CTNNA2: variants seen among roughly 807,000 people sequenced by gnomAD.
CTNNA2 encodes the protein catenin alpha 2.
CTNNA2 carries 42 observed loss-of-function variants against 101.0 expected under a neutral mutation model. That is an observed-to-expected ratio of 0.42 (90% confidence interval 0.32 to 0.54). CTNNA2 has a LOEUF of 0.54. Ranked by LOEUF, CTNNA2 falls within the 20% of genes least tolerant of loss-of-function variation. The pLI is 0.14. For missense variants in CTNNA2, 871 were observed against 1,223.1 expected (o/e 0.71, Z 4.29); for synonymous variants, 450 against 456.4 (o/e 0.99, Z 0.18).
At chr2:80,044,703 A>G (rs1489848212) in intron 7 of CTNNA2, among the ~76,000 whole-genome samples, 1 of 152,170 alleles carries the variant, frequency 6.6e-6, no homozygotes, top group African/African-American at 2.4e-5. Context: ...ACATTCTCTT[A>G]CTGCCCCATA....
chr2:79,967,625 C>A (rs2104558104), intron 7 of CTNNA2, among the ~76,000 whole-genome samples: 1 of 152,254 alleles, frequency 6.6e-6, no homozygotes, highest in African/African-American at 2.4e-5. Context: ...CTAATTTCTC[C>A]AACAAACAAT....
chr2:80,545,795 C>A, intron 10 of CTNNA2, 112 bp from the exon 11 acceptor site: 1 of 990,328 alleles, frequency 1.0e-6, no homozygotes, highest in East Asian at 2.6e-5. Context: ...CACCAAGAAC[C>A]CACTTATCTG....
At chr2:79,259,612 A>G (rs1674893929) in intron 2 of CTNNA2, among the ~76,000 whole-genome samples, 1 of 152,096 alleles carries the variant, frequency 6.6e-6, no homozygotes, top group African/African-American at 2.4e-5. Context: ...GGTACAGGAC[A>G]AGTTTGAGTT....
chr2:80,573,440 T>C (rs184679412), intron 12 of CTNNA2: 5 of 152,280 alleles, frequency 3.3e-5, no homozygotes, highest in Admixed American at 2.6e-4. Context: ...TTTGAGCCCA[T>C]TGGTCTTCTC....
intron 7 of CTNNA2, among the ~76,000 whole-genome samples, chr2:79,993,361 TC>T (rs890523136): frequency 1.3e-5 from 2 of 152,118 alleles, no homozygotes; most frequent in African/African-American, 4.8e-5. Flanking sequence ...TTTTTTGGGC[TC>T]CCACGTGGGC....
At chr2:79,635,230 G>A (rs891236572) in intron 1 of CTNNA2, among the ~76,000 whole-genome samples, 2 of 152,032 alleles carry the variant, frequency 1.3e-5, no homozygotes, top group Admixed American at 1.3e-4. Flanking sequence ...AGGAATTCGA[G>A]ACCATCCCGG....
At chr2:80,091,504 G>T (rs1008934124) in intron 7 of CTNNA2, among the ~76,000 whole-genome samples, 2 of 152,152 alleles carry the variant, frequency 1.3e-5, no homozygotes, top group Non-Finnish European at 2.9e-5. Context: ...AGAGAATTCT[G>T]ATGATAGCTG....
At position 79,224,513 on chromosome 2, in the gene CTNNA2, C is replaced by T. The variant is rs374141610; in HGVS notation, c.-406+26437C>T. ...ACCCATCTTAGTTTTTGATAAATTT[C>T]AATGTAAGTTGCAGACATATATACA... is the stretch of plus-strand genomic sequence containing the variant. On this transcript the variant is annotated intron_variant, in intron 2 of 21. Transcript: ENST00000466387. Among the ~76,000 whole-genome samples, 5 of 152,238 alleles carry T rather than the reference C, an allele frequency of 3.3e-5. No individual in the cohort carries two copies. The South Asian group carries it at 1.0e-3, about 32-fold the overall frequency.
chr2:80,176,598 G>T (rs569654443), intron 7 of CTNNA2, among the ~76,000 whole-genome samples: 1 of 152,206 alleles, frequency 6.6e-6, no homozygotes, highest in Admixed American at 6.5e-5. Flanking sequence ...ATTCCTGTAG[G>T]GTCTATGTCA....
At chr2:79,304,764 A>G (rs1284580975) in intron 2 of CTNNA2, among the ~76,000 whole-genome samples, 6 of 152,220 alleles carry the variant, frequency 3.9e-5, no homozygotes, top group African/African-American at 1.4e-4. Flanking sequence ...GTAACCAGAG[A>G]TAGACATTGT....
intron 7 of CTNNA2, among the ~76,000 whole-genome samples, chr2:80,010,736 A>G (rs1693720268): frequency 6.6e-6 from 1 of 151,800 alleles, no homozygotes; most frequent in African/African-American, 2.4e-5. Context: ...TTCCACAATC[A>G]CTTTTGCACC....
chr2:79,257,106 C>T (rs1388818733), intron 2 of CTNNA2, among the ~76,000 whole-genome samples: 2 of 152,216 alleles, frequency 1.3e-5, no homozygotes, highest in Non-Finnish European at 2.9e-5. Context: ...GCCGCTGATA[C>T]GTGGACGTTC....
At chr2:79,514,232 A>G (rs1671684949) in intron 1 of CTNNA2, among the ~76,000 whole-genome samples, 1 of 152,232 alleles carries the variant, frequency 6.6e-6, no homozygotes, top group Non-Finnish European at 1.5e-5. Context: ...ATCATGGGTT[A>G]ACTTCTCAAG....
chr2:79,540,797 A>G (rs181917879), intron 1 of CTNNA2, among the ~76,000 whole-genome samples: 10 of 152,194 alleles, frequency 6.6e-5, no homozygotes, highest in East Asian at 3.9e-4. Context: ...TTTGGACACC[A>G]TTTAACTCTT....
At chr2:80,485,815 A>G (rs1447400356) in intron 9 of CTNNA2, among the ~76,000 whole-genome samples, 20 of 152,240 alleles carry the variant, frequency 1.3e-4, no homozygotes, top group Admixed American at 1.0e-3. Context: ...AACATACATC[A>G]GCCAAGGTAC....
At chr2:79,916,524 CCCCTCCCCTCCCCT>C (rs1686217090) in intron 7 of CTNNA2, among the ~76,000 whole-genome samples, 3 of 2,874 alleles carry the variant, frequency 1.0e-3, no homozygotes, top group Non-Finnish European at 2.1e-3. Context: ...TCTTCCCCCT[CCCCTCCCCTCCCCT>C]CCCCTCCCCT....
chr2:80,287,572 C>G (rs569270032), intron 7 of CTNNA2, among the ~76,000 whole-genome samples: 6 of 152,280 alleles, frequency 3.9e-5, no homozygotes, highest in Non-Finnish European at 5.9e-5. Context: ...TTACTGAATA[C>G]TCACTATGTG....
At position 79,737,098 on chromosome 2, in the gene CTNNA2, AGCTCTTTGGG is replaced by A. The variant is rs1670935170; in HGVS notation, c.103-7288_103-7279del. Among the ~76,000 whole-genome samples, 10 of 152,318 alleles carry A rather than the reference AGCTCTTTGGG, an allele frequency of 6.6e-5. No homozygotes were observed. In the South Asian group the frequency reaches 1.9e-3, roughly 28 times the overall value. ...TGCGGTGGCTCATGCCAGTAATCCC[AGCTCTTTGGG>A]AGGCAGAGGCAGGCGGATCACCTGA... On this transcript the variant is annotated intron_variant, in intron 2 of 18. Coordinates refer to ENST00000402739, the MANE Select transcript of CTNNA2 (RefSeq NM_001282597.3).
intron 3 of CTNNA2, among the ~76,000 whole-genome samples, chr2:79,360,496 C>T (rs1677604118): frequency 6.6e-6 from 1 of 152,146 alleles, no homozygotes; most frequent in Non-Finnish European, 1.5e-5. Context: ...TGTAAAGAGG[C>T]TTGAGCGCCA....
Sources: allele counts gnomAD v4.1 joint callset (sites outside exome capture counted in the v4.1 genomes callset), GRCh38; gene constraint gnomAD v4.1.1; transcripts MANE v1.5; gene names NCBI Gene and HGNC (gene_info 2026-07-23, HGNC 2026-07-21).